The following SUFU variants were observed in gnomAD, a reference collection of about 807,000 sequenced individuals.
SUFU encodes SUFU negative regulator of hedgehog signaling, also known as suppressor of fused homolog.
Under a neutral mutation model 58.9 loss-of-function variants are expected in SUFU, and 7 were observed. The ratio of observed to expected loss-of-function variants is 0.12; its 90% confidence interval spans 0.07 to 0.22. The LOEUF (loss-of-function observed/expected upper bound fraction) is 0.22. SUFU is among the 10% of genes least tolerant of loss of function. SUFU has a pLI of 1.00. For missense variants in SUFU, 451 were observed against 641.3 expected, an observed-to-expected ratio of 0.70 and a Z score of 3.20; for synonymous variants, 232 against 254.8, an observed-to-expected ratio of 0.91 and a Z score of 0.85.
chr10:102,590,048 AT>A (rs1331681871), intron 3 of SUFU, among the ~76,000 whole-genome samples: 3 of 145,450 alleles, frequency 2.1e-5, no homozygotes, highest in Non-Finnish European at 4.5e-5. Flanking sequence ...TATAATCTGT[AT>A]TACATTGATT....
intron 3 of SUFU, among the ~76,000 whole-genome samples, chr10:102,577,085 C>CTTTTTT (rs1340064563): frequency 2.2e-5 from 3 of 137,236 alleles, no homozygotes; most frequent in Non-Finnish European, 3.1e-5. Context: ...TTTTTCTTTT[C>CTTTTTT]TTTTTTTTTT....
intron 3 of SUFU, among the ~76,000 whole-genome samples, chr10:102,561,667 CT>C (rs34738568): frequency 0.23 from 25,063 of 109,852 alleles, 1,464 homozygotes; most frequent in Middle Eastern, 0.29. Context: ...GACCAGCAAG[CT>C]TTTTTTTTTT....
In SUFU at chr10:102,504,346, G is replaced by T; in HGVS notation, c.182+12G>T. On this transcript the variant is annotated intron_variant, in intron 1 of 11. Transcript: ENST00000369902. ...ATCGTCAAGTACTGGTATGCTCTGG[G>T]CCGCGGGGAGACGGACAGGCGCGGG... The T allele has an allele frequency of 6.2e-7, 1 of 1,614,054 alleles. No individual in the cohort carries two copies. The highest frequency in any genetic ancestry group is 8.5e-7 in the Non-Finnish European group (1 of 1,180,012).
chr10:102,537,961 T>C (rs2062759967), intron 2 of SUFU, among the ~76,000 whole-genome samples: 1 of 152,218 alleles, frequency 6.6e-6, no homozygotes, highest in African/African-American at 2.4e-5. Flanking sequence ...TGTTTAATTT[T>C]TGAGGAACCG....
At chr10:102,562,196 A>T (rs1306024636) in intron 3 of SUFU, among the ~76,000 whole-genome samples, 1 of 152,092 alleles carries the variant, frequency 6.6e-6, no homozygotes, top group African/African-American at 2.4e-5. Context: ...AACAGATGTG[A>T]TTCAGTCTTT....
At position 102,594,012 on chromosome 10, in the gene SUFU, A is replaced by G. The variant is rs144666812; in HGVS notation, c.703A>G (p.Ile235Val). 43 of 1,614,072 alleles carry G rather than the reference A, an allele frequency of 2.7e-5. No homozygotes were observed. Among genetic ancestry groups the G allele is most frequent in the Non-Finnish European group, 3.2e-5 (38 of 1,180,036 alleles). ...CCACAGTGCTGGCGGCCCCTGGCTG[A>G]TAACTGACATGCGGAGGGGAGAGAC... ...TVPIAGGPWL[I>V]TDMRRGETIF... Residue 235 changes from isoleucine (I) to valine (V), a missense_variant, in exon 6 of 12, where the codon ATA becomes GTA. Physicochemically the swap from Ile to Val is conservative, Grantham distance 29 (BLOSUM62 3). Coordinates refer to ENST00000369902, the MANE Select transcript of SUFU (RefSeq NM_016169.4).
chr10:102,532,754 G>A (rs961100881), intron 2 of SUFU, among the ~76,000 whole-genome samples: 23 of 152,194 alleles, frequency 1.5e-4, no homozygotes, highest in African/African-American at 5.6e-4. Context: ...AGATCTGCCA[G>A]TCCATTCATT....
intron 2 of SUFU, among the ~76,000 whole-genome samples, chr10:102,521,864 G>A (rs916262830): frequency 1.3e-5 from 2 of 152,086 alleles, no homozygotes; most frequent in African/African-American, 2.4e-5. Context: ...AAAAACAGTT[G>A]AACCATTTTA....
chr10:102,581,739 G>T (rs1031604259), intron 3 of SUFU, among the ~76,000 whole-genome samples: 11 of 152,182 alleles, frequency 7.2e-5, no homozygotes, highest in Non-Finnish European at 4.4e-5. Flanking sequence ...GACATGTCTG[G>T]CACATCTGAC....
At chr10:102,506,442 G>A (rs1029302293) in intron 1 of SUFU, among the ~76,000 whole-genome samples, 8 of 151,988 alleles carry the variant, frequency 5.3e-5, no homozygotes, top group Non-Finnish European at 8.8e-5. Flanking sequence ...GCAGTGGCAC[G>A]ATCTTGGCTT....
At chr10:102,599,160 A>T (rs781279373) in intron 7 of SUFU, among the ~76,000 whole-genome samples, 1 of 152,144 alleles carries the variant, frequency 6.6e-6, no homozygotes, top group Non-Finnish European at 1.5e-5. Flanking sequence ...CACAGGAAAG[A>T]AAAGGATGGT....
intron 7 of SUFU, 112 bp from the exon 8 acceptor site, chr10:102,599,321 T>C (rs2063493613): frequency 1.2e-6 from 1 of 824,252 alleles, no homozygotes. Context: ...GGCTCAGGAC[T>C]GGCCAGCGTG....
At position 102,628,553 on chromosome 10, in the gene SUFU, G is replaced by T. The variant is rs1174209056; in HGVS notation, c.1365+1310G>T. Among the ~76,000 whole-genome samples, 1 of 152,204 alleles carries T rather than the reference G, an allele frequency of 6.6e-6. No homozygotes were observed. Among genetic ancestry groups the T allele is most frequent in the East Asian group, 1.9e-4 (1 of 5,200 alleles). On this transcript the variant is annotated intron_variant, in intron 11 of 11. Coordinates refer to ENST00000369902, the MANE Select transcript of SUFU (RefSeq NM_016169.4). The surrounding 1 kb of genome is among the most constrained non-coding windows in gnomAD (Gnocchi z 4.5). ...TGGGATGGCGCTGTGCCAGGCTGCT[G>T]CTTTGAGCTTGGGGGTAGGAGGGGG...
At chr10:102,519,246 T>A (rs986478909) in intron 2 of SUFU, among the ~76,000 whole-genome samples, 3 of 150,328 alleles carry the variant, frequency 2.0e-5, no homozygotes, top group Admixed American at 6.6e-5. Context: ...CCAACCAGGC[T>A]GGGCATGGTG....
chr10:102,557,665 G>T (rs1296393020), intron 3 of SUFU, among the ~76,000 whole-genome samples: 2 of 152,150 alleles, frequency 1.3e-5, no homozygotes, highest in Non-Finnish European at 2.9e-5. Flanking sequence ...CATTGGCTCA[G>T]GTGACTGGGA....
intron 8 of SUFU, among the ~76,000 whole-genome samples, chr10:102,602,912 C>T (rs777411750): frequency 7.9e-5 from 12 of 152,148 alleles, no homozygotes; most frequent in East Asian, 3.9e-4. Flanking sequence ...AGCTTGCTGG[C>T]GCCTCCCTTC....
rs1287728105 is a variant in SUFU, at chr10:102,517,462, C to T, written c.317+8159C>T. On this transcript the variant is annotated intron_variant, in intron 2 of 11. Transcript: ENST00000369902. The stretch of plus-strand genomic sequence containing the variant: ...TTGATGCAATCTGATCTCTCAGTCC[C>T]GGGATTTTTCCCTGTTCAGCCCACC... Among the ~76,000 whole-genome samples, 14 of 152,116 alleles carry T rather than the reference C, an allele frequency of 9.2e-5. No individual in the cohort carries two copies. In the East Asian group the frequency reaches 1.3e-3, roughly 15 times the overall value.
At chr10:102,559,996 T>C (rs1190907671) in intron 3 of SUFU, among the ~76,000 whole-genome samples, 1 of 152,246 alleles carries the variant, frequency 6.6e-6, no homozygotes, top group Non-Finnish European at 1.5e-5. Context: ...GGGATGGCAC[T>C]GCATGAGTAG....
At chr10:102,582,562 C>G (rs914601596) in intron 3 of SUFU, among the ~76,000 whole-genome samples, 47 of 152,190 alleles carry the variant, frequency 3.1e-4, no homozygotes, top group Non-Finnish European at 6.8e-4. Flanking sequence ...TTCAGCACCC[C>G]CCACGTTTTC....
Sources: gnomAD v4.1 joint callset for allele counts (sites outside exome capture counted in the v4.1 genomes callset) on GRCh38, gnomAD v4.1.1 for gene constraint, Gnocchi (gnomAD v3.1) non-coding constraint, MANE v1.5 for transcripts, NCBI Gene and HGNC (gene_info 2026-07-23, HGNC 2026-07-21) for gene names.